FBXL13: variants seen among roughly 807,000 people sequenced by gnomAD.
The protein encoded by FBXL13 is F-box and leucine rich repeat protein 13, also known as F-box and leucine-rich repeat protein 13.
Under a neutral mutation model 83.6 loss-of-function variants are expected in FBXL13, and 67 were observed. The ratio of observed to expected loss-of-function variants is 0.80; its 90% CI spans 0.66 to 0.98. The LOEUF is 0.98. FBXL13 is among the 50% of genes least tolerant of loss of function. The pLI is 0.00. For synonymous variants in FBXL13, 272 were observed against 299.5 expected (o/e 0.91, Z 0.95); for missense variants, 822 against 866.5 (o/e 0.95, Z 0.64).
intron 8 of FBXL13, chr7:102,944,337 G>A (rs773678508): frequency 6.8e-6 from 11 of 1,614,054 alleles, no homozygotes; most frequent in Non-Finnish European, 9.3e-6. Flanking sequence ...ATAACCCTTG[G>A]AGATGTGACT....
At chr7:102,832,769 G>A in intron 18 of FBXL13, 71 bp downstream of exon 19, 3 of 1,578,584 alleles carry the variant, frequency 1.9e-6, no homozygotes, top group Non-Finnish European at 2.6e-6. Flanking sequence ...GTCCAGCCCT[G>A]ATCGCTGTCC....
At chr7:102,881,048 C>T (rs1331963022) in intron 14 of FBXL13, among the ~76,000 whole-genome samples, 1 of 152,142 alleles carries the variant, frequency 6.6e-6, no homozygotes, top group Non-Finnish European at 1.5e-5. Context: ...TTTGTGAGCT[C>T]AGCAGTATAT....
chr7:102,915,873 A>G (rs750734160), intron 10 of FBXL13, among the ~76,000 whole-genome samples: 20 of 152,228 alleles, frequency 1.3e-4, no homozygotes, highest in Non-Finnish European at 2.4e-4. Flanking sequence ...GAAATGTGAT[A>G]AGAATATATT....
chr7:102,874,810 G>A (rs112655735), intron 16 of FBXL13, among the ~76,000 whole-genome samples: 1 of 152,074 alleles, frequency 6.6e-6, no homozygotes, highest in Non-Finnish European at 1.5e-5. Flanking sequence ...CAAGTGACCC[G>A]CCTGCCTCAG....
At chr7:102,827,733 G>A (rs1171329076) in intron 18 of FBXL13, among the ~76,000 whole-genome samples, 1 of 151,902 alleles carries the variant, frequency 6.6e-6, no homozygotes, top group African/African-American at 2.4e-5. Context: ...GTGTCCATGT[G>A]TTCTCATTGT....
chr7:103,004,259 T>C (rs1008928369), intron 6 of FBXL13, among the ~76,000 whole-genome samples: 4 of 152,230 alleles, frequency 2.6e-5, no homozygotes, highest in African/African-American at 7.2e-5. Context: ...GCTACCTCCT[T>C]TTCAGCACTA....
At chr7:102,910,111 G>C in intron 11 of FBXL13, among the ~76,000 whole-genome samples, 1 of 152,086 alleles carries the variant, frequency 6.6e-6, no homozygotes, top group East Asian at 1.9e-4. Context: ...TGGGTTAAAT[G>C]CTCCCTCCGT....
chr7:103,026,027 C>T (rs1027915003), intron 5 of FBXL13, among the ~76,000 whole-genome samples: 2 of 150,796 alleles, frequency 1.3e-5, no homozygotes, highest in Non-Finnish European at 3.0e-5. Context: ...TATTATAGTA[C>T]ATATAGCATA....
At chr7:102,913,311 C>A in intron 10 of FBXL13, 96 bp from the exon 12 acceptor site, 2 of 1,472,162 alleles carry the variant, frequency 1.4e-6, no homozygotes, top group Non-Finnish European at 1.9e-6. Flanking sequence ...GTAAATTCAA[C>A]TCTTCTTCTT....
chr7:102,952,043 A>G (rs981495789), intron 8 of FBXL13, among the ~76,000 whole-genome samples: 3 of 152,180 alleles, frequency 2.0e-5, no homozygotes, highest in African/African-American at 7.2e-5. Flanking sequence ...CACATGCTAA[A>G]ATAAGTAAAC....
chr7:102,924,617 C>G (rs1225684727), intron 10 of FBXL13, among the ~76,000 whole-genome samples: 1 of 149,716 alleles, frequency 6.7e-6, no homozygotes, highest in Non-Finnish European at 1.5e-5. Context: ...AAATTATCAC[C>G]GAGAATTTTC....
intron 8 of FBXL13, chr7:102,939,395 G>A: frequency 6.4e-7 from 1 of 1,566,998 alleles, no homozygotes. Context: ...GGGGCAAAAA[G>A]AGCATAATAA....
At chr7:102,883,449 T>C in exon 14 of FBXL13, 1 of 1,609,904 alleles carries the variant, frequency 6.2e-7, no homozygotes, top group South Asian at 1.1e-5. Flanking sequence ...GAAGGATGCA[T>C]CAGTAACCCT....
Position 103,057,330 on chromosome 7 carries a change from C to A in FBXL13, c.-104-1583G>T, listed in dbSNP as rs570626324. ...GTTTGCATTACTTGAGGAGTAAGTTCTTTATAGCCAATCTGAAGACATAAC... is the reference window on the plus strand; with the variant it reads ...GTTTGCATTACTTGAGGAGTAAGTTATTTATAGCCAATCTGAAGACATAAC... On this transcript the variant is annotated intron_variant, in intron 1 of 19. Coordinates refer to ENST00000313221, the Ensembl canonical transcript of FBXL13. 5.9e-5 allele frequency among the ~76,000 whole-genome samples: 9 copies of A among 152,046 alleles called. No individual in the cohort carries two copies. In the South Asian group the frequency reaches 1.9e-3, roughly 32 times the overall value.
chr7:103,009,484 G>A (rs1450589349), intron 6 of FBXL13, among the ~76,000 whole-genome samples: 3 of 152,250 alleles, frequency 2.0e-5, no homozygotes, highest in African/African-American at 7.2e-5. Context: ...AAGGACTTGT[G>A]CAAGACTGGG....
At chr7:102,985,942 A>G (rs895117112) in intron 6 of FBXL13, among the ~76,000 whole-genome samples, 14 of 152,206 alleles carry the variant, frequency 9.2e-5, no homozygotes, top group Middle Eastern at 3.4e-3. Context: ...CATGTTGAGC[A>G]TGTGTGAACA....
At chr7:102,910,058 A>G (rs1401181203) in intron 11 of FBXL13, among the ~76,000 whole-genome samples, 1 of 152,156 alleles carries the variant, frequency 6.6e-6, no homozygotes, top group Non-Finnish European at 1.5e-5. Flanking sequence ...TGTAGAACTC[A>G]AGTTCTGACT....
intron 8 of FBXL13, among the ~76,000 whole-genome samples, chr7:102,957,118 T>C (rs988146449): frequency 6.6e-6 from 1 of 152,156 alleles, no homozygotes; most frequent in African/African-American, 2.4e-5. Context: ...GGCATCGCAC[T>C]ACCTGACTTC....
At chr7:102,868,667 GT>G (rs1808093199) in intron 16 of FBXL13, among the ~76,000 whole-genome samples, 1 of 151,576 alleles carries the variant, frequency 6.6e-6, no homozygotes, top group African/African-American at 2.4e-5. Context: ...TTTTTGTTTT[GT>G]TTTGTTTTGT....
Sources: allele counts gnomAD v4.1 joint callset (sites outside exome capture counted in the v4.1 genomes callset), GRCh38; gene constraint gnomAD v4.1.1; transcripts MANE v1.5; gene names NCBI Gene and HGNC (gene_info 2026-07-23, HGNC 2026-07-21).